PIK3C2G: variants seen among roughly 807,000 people sequenced by gnomAD.
PIK3C2G encodes the protein phosphatidylinositol-4-phosphate 3-kinase catalytic subunit type 2 gamma.
A neutral mutation model predicts 181.1 loss-of-function variants in PIK3C2G; 168 were observed. The observed-to-expected ratio is 0.93, with a 90% CI of 0.82 to 1.05. The LOEUF (loss-of-function observed/expected upper bound fraction) is 1.05, where lower values mean the gene tolerates loss of function less well. Ranked by LOEUF, PIK3C2G falls within the 50% of genes least tolerant of loss-of-function variation. The pLI is 0.00. For synonymous variants in PIK3C2G, 573 were observed against 592.2 expected (o/e 0.97, Z 0.47); for missense variants, 1,869 against 1,732.8 (o/e 1.08, Z -1.40).
chr12:18,252,741 G>T (rs1197537814), intron 1 of PIK3C2G, among the ~76,000 whole-genome samples: 2 of 152,052 alleles, frequency 1.3e-5, no homozygotes, highest in Non-Finnish European at 2.9e-5. Flanking sequence ...GTATGAGGAG[G>T]GTACCTCTCC....
intron 4 of PIK3C2G, among the ~76,000 whole-genome samples, chr12:18,292,419 T>C (rs1949754915): frequency 6.6e-6 from 1 of 151,682 alleles, no homozygotes; most frequent in Non-Finnish European, 1.5e-5. Flanking sequence ...TTCCTTTGCT[T>C]ATCTAAAACA....
At chr12:18,547,152 T>C (rs953718915) in intron 26 of PIK3C2G, among the ~76,000 whole-genome samples, 3 of 152,070 alleles carry the variant, frequency 2.0e-5, no homozygotes, top group African/African-American at 7.2e-5. Context: ...TGTTCTAATA[T>C]TTTCCACTGA....
intron 31 of PIK3C2G, among the ~76,000 whole-genome samples, chr12:18,616,864 T>G (rs1009437160): frequency 1.3e-5 from 2 of 152,130 alleles, no homozygotes; most frequent in African/African-American, 4.8e-5. Flanking sequence ...GAACTATATT[T>G]TGAATATGCA....
intron 18 of PIK3C2G, among the ~76,000 whole-genome samples, chr12:18,432,445 C>A (rs1946214976): frequency 6.6e-6 from 1 of 152,174 alleles, no homozygotes; most frequent in African/African-American, 2.4e-5. Context: ...TAACCACATC[C>A]AATTACATCA....
At chr12:18,652,941 GAGAGAGAA>G (rs1172537721), downstream of PIK3C2G, among the ~76,000 whole-genome samples, 1 of 151,516 alleles carries the variant, frequency 6.6e-6, no homozygotes, top group African/African-American at 2.4e-5. Context: ...CACAGAGAGA[GAGAGAGAA>G]AGAGAGAGAC....
chr12:18,257,862 AAGAT>A (rs1294306339), upstream of PIK3C2G, among the ~76,000 whole-genome samples: 1 of 145,248 alleles, frequency 6.9e-6, no homozygotes, highest in Non-Finnish European at 1.5e-5. Context: ...AGAAAGAAAG[AAGAT>A]AGAAAAAGAA....
the PIK3C2G span, among the ~76,000 whole-genome samples, chr12:18,700,984 ATTTT>A: frequency 2.7e-4 from 40 of 149,488 alleles, no homozygotes; most frequent in Middle Eastern, 3.4e-3. Flanking sequence ...AATTATAGAG[ATTTT>A]TTTTTTTTTT....
intron 29 of PIK3C2G, among the ~76,000 whole-genome samples, chr12:18,582,319 A>G (rs1946541094): frequency 6.6e-6 from 1 of 152,058 alleles, no homozygotes; most frequent in Non-Finnish European, 1.5e-5. Flanking sequence ...AGCCCAGGGA[A>G]ATGGTAAGTG....
the PIK3C2G span, chr12:18,705,185 T>C: frequency 1.2e-6 from 2 of 1,614,008 alleles, no homozygotes; most frequent in Admixed American, 1.7e-5. Context: ...TGGTAGAGTA[T>C]CAGGAAAATC....
the PIK3C2G span, among the ~76,000 whole-genome samples, chr12:18,705,769 G>A: frequency 3.6e-3 from 546 of 152,022 alleles, 3 homozygotes; most frequent in Non-Finnish European, 5.8e-3. Flanking sequence ...AGGACACTAA[G>A]GCAGGAGAAT....
At chr12:18,312,538 T>C (rs573300874) in intron 5 of PIK3C2G, among the ~76,000 whole-genome samples, 5 of 152,160 alleles carry the variant, frequency 3.3e-5, no homozygotes, top group Non-Finnish European at 5.9e-5. Context: ...ATGTGATAGA[T>C]TGTGAGGCTG....
intron 20 of PIK3C2G, among the ~76,000 whole-genome samples, chr12:18,495,271 CA>C (rs1218342333): frequency 1.3e-5 from 2 of 151,968 alleles, no homozygotes; most frequent in Non-Finnish European, 2.9e-5. Flanking sequence ...TAAAGACATA[CA>C]GCTTTTCAAT....
intron 16 of PIK3C2G, among the ~76,000 whole-genome samples, chr12:18,402,287 G>A (rs914633399): frequency 1.3e-5 from 2 of 152,088 alleles, no homozygotes; most frequent in African/African-American, 2.4e-5. Context: ...GACCACATAT[G>A]GTATGATTCC....
chr12:18,602,908 C>G (rs969054747), intron 30 of PIK3C2G, among the ~76,000 whole-genome samples: 5 of 152,170 alleles, frequency 3.3e-5, no homozygotes, highest in Admixed American at 3.3e-4. Flanking sequence ...GTGACAGAAA[C>G]TGCCCAAATG....
At chr12:18,581,491 ATATC>A (rs1408939569) in intron 29 of PIK3C2G, among the ~76,000 whole-genome samples, 17 of 152,218 alleles carry the variant, frequency 1.1e-4, no homozygotes, top group Admixed American at 5.2e-4. Flanking sequence ...AGTGTTCCAA[ATATC>A]TAACAACTCT....
At chr12:18,534,490 A>G (rs1473678971) in intron 24 of PIK3C2G, among the ~76,000 whole-genome samples, 2 of 152,142 alleles carry the variant, frequency 1.3e-5, no homozygotes, top group Non-Finnish European at 2.9e-5. Flanking sequence ...CAGAATCGTT[A>G]CAAATATGTT....
chr12:18,612,013 T>C (rs560761929), intron 31 of PIK3C2G, among the ~76,000 whole-genome samples: 1 of 152,220 alleles, frequency 6.6e-6, no homozygotes, highest in African/African-American at 2.4e-5. Context: ...GAGTCTTATA[T>C]CAGTTGCAAT....
At chr12:18,626,700 C>T (rs780336495) in intron 31 of PIK3C2G, among the ~76,000 whole-genome samples, 28 of 151,952 alleles carry the variant, frequency 1.8e-4, no homozygotes, top group Non-Finnish European at 3.7e-4. Flanking sequence ...GGTTGGTAGG[C>T]TTTTTCTTCT....
At chr12:18,303,546 G>T (rs762353868) in intron 5 of PIK3C2G, among the ~76,000 whole-genome samples, 1 of 152,028 alleles carries the variant, frequency 6.6e-6, no homozygotes, top group Non-Finnish European at 1.5e-5. Context: ...TGTTGGTCAG[G>T]TTCACTCCTC....
Sources: gnomAD v4.1 joint callset for allele counts (sites outside exome capture counted in the v4.1 genomes callset) on GRCh38, gnomAD v4.1.1 for gene constraint, MANE v1.5 for transcripts, NCBI Gene and HGNC (gene_info 2026-07-23, HGNC 2026-07-21) for gene names.